The following CACNA2D3 variants were observed in gnomAD, a reference collection of about 807,000 sequenced individuals.
CACNA2D3 encodes the protein voltage-dependent calcium channel subunit alpha-2/delta-3.
In CACNA2D3, 60 loss-of-function variants were observed where a neutral mutation model predicts 160.6. The observed-to-expected ratio is 0.37, with a 90% confidence interval of 0.30 to 0.46. CACNA2D3 has a LOEUF of 0.46. Ranked by LOEUF, CACNA2D3 falls within the 20% of genes least tolerant of loss-of-function variation. CACNA2D3 has a pLI of 1.00. For synonymous variants in CACNA2D3, 558 were observed against 492.9 expected, an observed-to-expected ratio of 1.13 and a Z score of -1.75; for missense variants, 1,205 against 1,365.0, an observed-to-expected ratio of 0.88 and a Z score of 1.85.
At chr3:54,688,480 G>A (rs1037455006) in intron 11 of CACNA2D3, among the ~76,000 whole-genome samples, 1 of 151,990 alleles carries the variant, frequency 6.6e-6, no homozygotes, top group Non-Finnish European at 1.5e-5. Context: ...GGAAGGAAAG[G>A]AGAAGAAAGG....
intron 13 of CACNA2D3, among the ~76,000 whole-genome samples, chr3:54,767,757 TGTG>T (rs1702250278): frequency 6.6e-6 from 1 of 152,148 alleles, no homozygotes; most frequent in African/African-American, 2.4e-5. Context: ...AAAACAATAA[TGTG>T]GTCATGTCAA....
intron 4 of CACNA2D3, among the ~76,000 whole-genome samples, chr3:54,474,653 T>G (rs1459559669): frequency 6.6e-6 from 1 of 150,836 alleles, no homozygotes; most frequent in African/African-American, 2.4e-5. Flanking sequence ...AAGGAAAGAT[T>G]AAGAGAGAGA....
intron 21 of CACNA2D3, among the ~76,000 whole-genome samples, chr3:54,881,846 A>G (rs923925962): frequency 6.6e-6 from 1 of 152,222 alleles, no homozygotes; most frequent in African/African-American, 2.4e-5. Context: ...CCCTCAGATG[A>G]TGCCACAGGG....
intron 4 of CACNA2D3, among the ~76,000 whole-genome samples, chr3:54,431,294 G>T (rs951084981): frequency 6.7e-6 from 1 of 149,800 alleles, no homozygotes; most frequent in Non-Finnish European, 1.5e-5. Context: ...CTGAGATTGT[G>T]TACAGCCTGG....
chr3:54,199,749 GTT>G (rs1701145038), intron 2 of CACNA2D3, among the ~76,000 whole-genome samples: 2 of 152,192 alleles, frequency 1.3e-5, no homozygotes, highest in African/African-American at 4.8e-5. Flanking sequence ...AGTATTTTGT[GTT>G]TGTTTCCCTG....
At chr3:54,852,480 A>T (rs1418661652) in intron 17 of CACNA2D3, among the ~76,000 whole-genome samples, 4 of 152,200 alleles carry the variant, frequency 2.6e-5, no homozygotes, top group Non-Finnish European at 5.9e-5. Context: ...CTAACCCAAG[A>T]GTCCTCGCAC....
At chr3:54,993,263 A>G (rs76479331) in intron 31 of CACNA2D3, among the ~76,000 whole-genome samples, 2,427 of 152,362 alleles carry the variant, frequency 0.016, 70 homozygotes, top group African/African-American at 0.055. Flanking sequence ...AGCAAGGATA[A>G]CACTCTGGGT....
At chr3:54,330,602 G>A (rs1280375113) in intron 3 of CACNA2D3, among the ~76,000 whole-genome samples, 1 of 152,206 alleles carries the variant, frequency 6.6e-6, no homozygotes, top group Admixed American at 6.5e-5. Context: ...CAAAGATTCA[G>A]ACTCTTATGA....
intron 35 of CACNA2D3, among the ~76,000 whole-genome samples, chr3:55,033,753 T>TAAAA (rs2107180161): frequency 3.1e-5 from 3 of 97,588 alleles, no homozygotes; most frequent in South Asian, 3.2e-4. Context: ...ATATATTATA[T>TAAAA]TAAATATATA....
intron 4 of CACNA2D3, among the ~76,000 whole-genome samples, chr3:54,429,234 G>A (rs542621875): frequency 7.9e-5 from 12 of 151,862 alleles, no homozygotes; most frequent in Non-Finnish European, 1.6e-4. Flanking sequence ...TTTAAAAAAG[G>A]AATGTTAAAA....
chr3:55,067,349 G>C (rs986209615), intron 35 of CACNA2D3, among the ~76,000 whole-genome samples: 1 of 152,156 alleles, frequency 6.6e-6, no homozygotes, highest in Non-Finnish European at 1.5e-5. Context: ...CCTGGGCTCC[G>C]GAGGGCTGCA....
chr3:54,640,821 G>T (rs543322314), intron 10 of CACNA2D3, among the ~76,000 whole-genome samples: 1 of 152,014 alleles, frequency 6.6e-6, no homozygotes, highest in Admixed American at 6.6e-5. Flanking sequence ...AGATCCACCC[G>T]AACTAGCCTC....
chr3:54,841,945 C>T (rs539259012), intron 16 of CACNA2D3, among the ~76,000 whole-genome samples: 4 of 152,292 alleles, frequency 2.6e-5, no homozygotes, highest in South Asian at 2.1e-4. Context: ...GCCTTGTGTC[C>T]GATCTGTTCT....
At chr3:54,938,649 T>G (rs73845062) in intron 27 of CACNA2D3, among the ~76,000 whole-genome samples, 2,007 of 151,748 alleles carry the variant, frequency 0.013, 44 homozygotes, top group African/African-American at 0.046. Context: ...CATCTTGATA[T>G]AGACTCAGTG....
intron 11 of CACNA2D3, among the ~76,000 whole-genome samples, chr3:54,751,764 T>G (rs1701860998): frequency 6.6e-6 from 1 of 152,212 alleles, no homozygotes; most frequent in Non-Finnish European, 1.5e-5. Flanking sequence ...TTCACTGACC[T>G]CAGTCACAAA....
chr3:54,125,317 A>T (rs1304928408), intron 2 of CACNA2D3, among the ~76,000 whole-genome samples: 1 of 152,048 alleles, frequency 6.6e-6, no homozygotes, highest in African/African-American at 2.4e-5. Flanking sequence ...ACTCTATAAC[A>T]GCAAATTGGA....
At chr3:54,245,891 A>G (rs1196796738) in intron 2 of CACNA2D3, among the ~76,000 whole-genome samples, 9 of 152,328 alleles carry the variant, frequency 5.9e-5, no homozygotes, top group South Asian at 2.1e-4. Context: ...TTGCTTCTCT[A>G]TCATCATTGT....
chr3:54,948,473 A>G (rs763441786), intron 27 of CACNA2D3, among the ~76,000 whole-genome samples: 6 of 152,242 alleles, frequency 3.9e-5, no homozygotes, highest in Non-Finnish European at 5.9e-5. Context: ...TCAATGGCCT[A>G]TGTACATTCA....
At chr3:54,500,608 T>A (rs1575491048) in intron 4 of CACNA2D3, among the ~76,000 whole-genome samples, 1 of 151,380 alleles carries the variant, frequency 6.6e-6, no homozygotes, top group Admixed American at 6.6e-5. Context: ...TTTTCTTTCC[T>A]TATTTCTTTC....
Sources: gnomAD v4.1 joint callset for allele counts (sites outside exome capture counted in the v4.1 genomes callset) on GRCh38, gnomAD v4.1.1 for gene constraint, MANE v1.5 for transcripts, NCBI Gene and HGNC (gene_info 2026-07-23, HGNC 2026-07-21) for gene names.